RNF146: variants seen among roughly 807,000 people sequenced by gnomAD.
RNF146 encodes the protein ring finger protein 146.
RNF146 carries 11 observed loss-of-function variants against 29.7 expected under a neutral mutation model. The observed-to-expected ratio is 0.37, with a 90% CI of 0.23 to 0.61. RNF146 has a LOEUF of 0.61. Ranked by LOEUF, RNF146 falls within the 20% of genes least tolerant of loss-of-function variation. The probability of loss-of-function intolerance (pLI) is 0.66; values close to 1 mark genes in which losing one functional copy is unlikely to be tolerated. For synonymous variants in RNF146, 150 were observed against 159.7 expected (o/e 0.94, Z 0.46); for missense variants, 342 against 438.9 (o/e 0.78, Z 1.97).
At chr6:127,271,819 A>G (rs1777540204) in intron 1 of RNF146, among the ~76,000 whole-genome samples, 1 of 152,110 alleles carries the variant, frequency 6.6e-6, no homozygotes, top group African/African-American at 2.4e-5. Flanking sequence ...TCTTTCTATT[A>G]TTATTTTTGT....
At chr6:127,280,590 G>A (rs1202209036) in intron 2 of RNF146, 5 of 1,171,524 alleles carry the variant, frequency 4.3e-6, no homozygotes, top group Non-Finnish European at 4.2e-6. Flanking sequence ...AAAGAATGCT[G>A]AAATAGATCT....
At chr6:127,272,156 T>G (rs1244395244) in intron 1 of RNF146, among the ~76,000 whole-genome samples, 1 of 152,216 alleles carries the variant, frequency 6.6e-6, no homozygotes, top group East Asian at 1.9e-4. Context: ...GAGCTTAGGC[T>G]TCCTCATTTG....
chr6:127,287,286 G>C lies in RNF146; in HGVS notation c.673G>C (p.Val225Leu). 6.2e-7 allele frequency: 1 copy of C among 1,613,416 alleles called. No individual in the cohort carries two copies. Among genetic ancestry groups the C allele is most frequent in the South Asian group, 1.1e-5 (1 of 91,066 alleles). The change falls in exon 3 of 3, where the codon GTA becomes CTA. Residue 225 changes from valine to leucine, a missense_variant. Physicochemically the swap from Val to Leu is conservative, Grantham distance 32. Coordinates refer to ENST00000368314, the MANE Select transcript of RNF146 (RefSeq NM_001242850.2). ...GTCTTCTGTAAGGCCCCTAACATCAGTAGATGGTCAGTTAACAAGCCCTGC... is the reference window on the plus strand; with the variant it reads ...GTCTTCTGTAAGGCCCCTAACATCACTAGATGGTCAGTTAACAAGCCCTGC... ...LVSSVRPLTS[V>L]DGQLTSPATP...
chr6:127,267,143 C>T (rs906596964), intron 1 of RNF146: 1 of 152,386 alleles, frequency 6.6e-6, no homozygotes, highest in African/African-American at 2.4e-5. Context: ...GCTGTCCGCG[C>T]AGAGGCGGGA....
chr6:127,267,349 G>T (rs917207075), intron 1 of RNF146, among the ~76,000 whole-genome samples: 4 of 152,186 alleles, frequency 2.6e-5, no homozygotes, highest in African/African-American at 9.7e-5. Context: ...CCGCTTCGCT[G>T]CCTCGGGTGG....
In RNF146 at chr6:127,287,774, T is replaced by C; in HGVS notation, c.*81T>C. On this transcript the variant is annotated 3_prime_UTR_variant, in exon 3 of 3. Coordinates refer to ENST00000368314, the MANE Select transcript of RNF146 (RefSeq NM_001242850.2). ...GCCCACATAACATTATACTCATCCC[T>C]AGTAGTGCATTTTGGGAGTTGGGGT... The C allele has an allele frequency of 1.2e-6, 1 of 848,084 alleles. No individual in the cohort carries two copies. Among genetic ancestry groups the C allele is most frequent in the Non-Finnish European group, 1.9e-6 (1 of 528,474 alleles). The allele number at this position is 848,084 out of a possible 1,614,324, so 52.5% of individuals were successfully genotyped here. A position where few individuals can be genotyped will look rare whatever the true frequency, so the allele number is the denominator to read the frequency against.
At position 127,286,587 on chromosome 6, in the gene RNF146, A is replaced by C; in HGVS notation, c.3-29A>C. Reference sequence around the variant, plus strand: ...AAGATATTGCAAGAATTAAAACATGACTTTAATATTATATGTATTTTTTCT... The same window carrying C: ...AAGATATTGCAAGAATTAAAACATGCCTTTAATATTATATGTATTTTTTCT... On this transcript the variant is annotated intron_variant, in intron 2 of 2. Coordinates refer to ENST00000368314, the MANE Select transcript of RNF146 (RefSeq NM_001242850.2). The surrounding 1 kb of genome is among the most constrained non-coding windows in gnomAD (Gnocchi z 4.6). 1 of 1,548,022 alleles carries C rather than the reference A, an allele frequency of 6.5e-7. No individual in the cohort carries two copies. The highest frequency in any genetic ancestry group is 8.8e-7 in the Non-Finnish European group (1 of 1,140,972).
intron 1 of RNF146, among the ~76,000 whole-genome samples, chr6:127,271,269 C>T (rs930618474): frequency 2.0e-5 from 3 of 152,154 alleles, no homozygotes; most frequent in Non-Finnish European, 4.4e-5. Flanking sequence ...TTTTTGGAAA[C>T]TCAAAAGTTT....
chr6:127,271,994 C>A (rs907448955), intron 1 of RNF146, among the ~76,000 whole-genome samples: 1 of 152,066 alleles, frequency 6.6e-6, no homozygotes, highest in African/African-American at 2.4e-5. Flanking sequence ...AAATTGCATA[C>A]GTGGCTTGCA....
chr6:127,285,420 A>G, intron 2 of RNF146: 2 of 779,320 alleles, frequency 2.6e-6, no homozygotes, highest in Non-Finnish European at 3.1e-6. Flanking sequence ...GCTGGCAGAG[A>G]GATTGTCATT....
At position 127,275,514 on chromosome 6, in the gene RNF146, AATTG is replaced by A. The variant is rs1778079486; in HGVS notation, c.-108-4711_-108-4708del. Among the ~76,000 whole-genome samples the A allele has an allele frequency of 3.9e-5, 6 of 152,214 alleles. No homozygotes were observed. In the South Asian group the frequency reaches 1.0e-3, roughly 26 times the overall value. On this transcript the variant is annotated intron_variant, in intron 1 of 2. Transcript: ENST00000368314. ...ATCCAAAAAATATCAGTTCAACAAA[AATTG>A]ATTGACAATTTACTAGCTATTTAAA...
intron 1 of RNF146, among the ~76,000 whole-genome samples, chr6:127,267,742 ATAT>A (rs1776868187): frequency 6.6e-6 from 1 of 152,112 alleles, no homozygotes; most frequent in Non-Finnish European, 1.5e-5. Flanking sequence ...AGATCTCAGA[ATAT>A]CCCTTGAGCC....
At chr6:127,279,513 T>C (rs1372966289) in intron 1 of RNF146, among the ~76,000 whole-genome samples, 1 of 151,778 alleles carries the variant, frequency 6.6e-6, no homozygotes, top group African/African-American at 2.4e-5. Flanking sequence ...ACTGTCTTGT[T>C]ACCTTAGCTT....
In RNF146 at chr6:127,286,692, A is replaced by G. The variant is rs1221059565; in HGVS notation, c.79A>G (p.Asn27Asp). 1 of 1,613,402 alleles carries G rather than the reference A, an allele frequency of 6.2e-7. No homozygotes were observed. The highest frequency in any genetic ancestry group is 1.7e-5 in the Admixed American group (1 of 59,934). ...CAGGAAAGCGAACGAGTCCTGTTCT[A>G]ATACTGCACCTTCTTTAACCGTCCC... ...TNRKANESCS[N>D]TAPSLTVPEC... is the part of the protein sequence containing the mutation. Residue 27 changes from asparagine to aspartate, a missense_variant, in exon 3 of 3, where the codon AAT becomes GAT. Around this residue, in one of 6 missense-constraint regions of RNF146, gnomAD observed 39 missense variants for 43.1 expected, o/e 0.90. Transcript: ENST00000368314. This position sits in a 1 kb window ranked among gnomAD's most constrained non-coding sequence, Gnocchi z 4.6.
chr6:127,284,463 T>G lies in RNF146; in HGVS notation c.3-2153T>G, dbSNP rs1479423452. 2.6e-5 allele frequency among the ~76,000 whole-genome samples: 4 copies of G among 151,942 alleles called. No individual in the cohort carries two copies. In the South Asian group the frequency reaches 6.2e-4, roughly 24 times the overall value. On this transcript the variant is annotated intron_variant, in intron 2 of 2. Transcript: ENST00000368314. ...ATGGATCACTTTCTTGTTTTCTTTTTCTTAATTGGAGCTTTAAATAAATAT... is the reference window on the plus strand; with the variant it reads ...ATGGATCACTTTCTTGTTTTCTTTTGCTTAATTGGAGCTTTAAATAAATAT...
chr6:127,286,640 T>A lies in RNF146; in HGVS notation c.27T>A (p.Asp9Glu), dbSNP rs774323082. Residue 9 changes from aspartate to glutamate, a missense_variant, in exon 3 of 3, where the codon GAT (aspartate) becomes GAA (glutamate). Physicochemically the swap from Asp to Glu is conservative, Grantham distance 45. Coordinates refer to ENST00000368314, the MANE Select transcript of RNF146 (RefSeq NM_001242850.2). The surrounding 1 kb of genome is among the most constrained non-coding windows in gnomAD (Gnocchi z 4.6). MMAGCGEI[D>E]HSINMLPTNR... ...GGATGGCTGGCTGTGGTGAAATTGA[T>A]CATTCAATAAACATGCTTCCTACAA... 1.2e-6 allele frequency: 2 copies of A among 1,609,310 alleles called. No individual in the cohort carries two copies.
chr6:127,280,675 CTT>C lies in RNF146; in HGVS notation c.2+338_2+339del, dbSNP rs200536113. 3.3e-3 allele frequency: 1,812 copies of C among 542,984 alleles called. 36 individuals are homozygous for C. The African/African-American group carries it at 0.035, about 11-fold the overall frequency. 33.6% of individuals were successfully genotyped at this position (542,984 alleles called of 1,614,324 possible). ...AACTAAGCTAGGCAAGTAGTACTAGCTTTTGTAAATAAGACAGACTACTAGGT... is the reference window on the plus strand; with the variant it reads ...AACTAAGCTAGGCAAGTAGTACTAGCTTGTAAATAAGACAGACTACTAGGT... On this transcript the variant is annotated intron_variant, in intron 2 of 2. Transcript: ENST00000368314.
chr6:127,266,745 G>C (rs1776645731), upstream of RNF146: 1 of 152,144 alleles, frequency 6.6e-6, no homozygotes, highest in Admixed American at 6.5e-5. Context: ...CGCGAGACAG[G>C]GGCAGAACGA....
chr6:127,271,796 A>G (rs1403045583), intron 1 of RNF146, among the ~76,000 whole-genome samples: 2 of 152,276 alleles, frequency 1.3e-5, no homozygotes, highest in East Asian at 3.9e-4. Context: ...TATTGAAATT[A>G]ATTTTACCTG....
Sources: gnomAD v4.1 joint callset for allele counts (sites outside exome capture counted in the v4.1 genomes callset) on GRCh38, gnomAD v4.1.1 for gene constraint, gnomAD v4.1.1 regional missense constraint, Gnocchi (gnomAD v3.1) non-coding constraint, MANE v1.5 for transcripts, NCBI Gene and HGNC (gene_info 2026-07-23, HGNC 2026-07-21) for gene names.